Variants in GRIN2B observed in about 807,000 individuals in gnomAD.
The protein encoded by GRIN2B is glutamate ionotropic receptor NMDA type subunit 2B.
GRIN2B carries 5 observed loss-of-function variants against 114.5 expected under a neutral mutation model. The observed-to-expected ratio is 0.04, with a 90% CI of 0.02 to 0.09. The LOEUF (loss-of-function observed/expected upper bound fraction) is 0.09. GRIN2B is among the 10% of genes least tolerant of loss of function. The pLI is 1.00. For synonymous variants in GRIN2B, 787 were observed against 745.1 expected (o/e 1.06, Z -0.92); for missense variants, 1,108 against 1,943.5 (o/e 0.57, Z 8.08).
intron 4 of GRIN2B, among the ~76,000 whole-genome samples, chr12:13,689,553 A>C (rs746379985): frequency 1.3e-4 from 20 of 152,080 alleles, no homozygotes; most frequent in Non-Finnish European, 2.5e-4. Context: ...ATATCCACTC[A>C]TACCCAGATA....
At chr12:13,807,028 G>A (rs1030454609) in intron 3 of GRIN2B, among the ~76,000 whole-genome samples, 3 of 151,910 alleles carry the variant, frequency 2.0e-5, no homozygotes, top group African/African-American at 7.3e-5. Context: ...ACAGTGCCTT[G>A]TAAATTATAA....
At chr12:13,767,282 A>T (rs1863814559) in intron 3 of GRIN2B, among the ~76,000 whole-genome samples, 1 of 147,600 alleles carries the variant, frequency 6.8e-6, no homozygotes. Flanking sequence ...AAAAAAAAGT[A>T]TTCTAATGCC....
rs1863138547 is a variant in GRIN2B, at chr12:13,981,499, A to T, written c.-605T>A. 1.3e-5 allele frequency: 2 copies of T among 152,086 alleles called. No homozygotes were observed. Among genetic ancestry groups the T allele is most frequent in the Admixed American group, 6.6e-5 (1 of 15,266 alleles). The allele number at this position is 152,086 out of a possible 1,614,324, so 9.4% of individuals were successfully genotyped here. On this transcript the variant is annotated 5_prime_UTR_variant, in exon 1 of 14. Transcript: ENST00000609686. ...GCAAGGCAAAAGGATATGCATTCGG[A>T]CGCCAGCACTACTGGATGGTGGTGA...
intron 4 of GRIN2B, among the ~76,000 whole-genome samples, chr12:13,716,516 G>A (rs1950457262): frequency 6.6e-6 from 1 of 151,692 alleles, no homozygotes; most frequent in African/African-American, 2.4e-5. Flanking sequence ...CTACCTAAAT[G>A]GGCCATGCAT....
At chr12:13,809,608 G>C (rs866496793) in intron 3 of GRIN2B, among the ~76,000 whole-genome samples, 1 of 152,142 alleles carries the variant, frequency 6.6e-6, no homozygotes, top group South Asian at 2.1e-4. Context: ...ATTAGCCTGA[G>C]AGATGGTCAG....
chr12:13,664,806 A>G (rs1949958202), intron 5 of GRIN2B, among the ~76,000 whole-genome samples: 1 of 152,126 alleles, frequency 6.6e-6, no homozygotes, highest in Admixed American at 6.5e-5. Flanking sequence ...TAAAGCAGTT[A>G]AATTTTCATG....
chr12:13,857,104 G>A (rs966776853), intron 3 of GRIN2B, among the ~76,000 whole-genome samples: 1 of 152,218 alleles, frequency 6.6e-6, no homozygotes, highest in Non-Finnish European at 1.5e-5. Context: ...GGAGAAGTGA[G>A]AGATGAGGAA....
At chr12:13,695,155 A>C (rs1223735262) in intron 4 of GRIN2B, among the ~76,000 whole-genome samples, 1 of 152,186 alleles carries the variant, frequency 6.6e-6, no homozygotes, top group Non-Finnish European at 1.5e-5. Context: ...TCAAGAAAAT[A>C]AAGGAATTTG....
chr12:13,824,878 A>AG (rs1865003357), intron 3 of GRIN2B, among the ~76,000 whole-genome samples: 1 of 143,808 alleles, frequency 7.0e-6, no homozygotes, highest in Admixed American at 6.9e-5. Flanking sequence ...AAAAAAAAAA[A>AG]TCCAGCTTTA....
intron 4 of GRIN2B, among the ~76,000 whole-genome samples, chr12:13,710,798 T>C (rs959064588): frequency 9.2e-5 from 14 of 152,168 alleles, no homozygotes; most frequent in African/African-American, 3.1e-4. Context: ...ATGGCCATAT[T>C]GCCCAAGGTA....
At chr12:13,965,580 C>CACGT (rs60900037) in intron 2 of GRIN2B, among the ~76,000 whole-genome samples, 1 of 151,298 alleles carries the variant, frequency 6.6e-6, no homozygotes, top group African/African-American at 2.4e-5. Context: ...CACACACACA[C>CACGT]GTGTGTGTGA....
chr12:13,672,084 G>A (rs1465035876), intron 5 of GRIN2B, among the ~76,000 whole-genome samples: 1 of 152,056 alleles, frequency 6.6e-6, no homozygotes, highest in East Asian at 1.9e-4. Context: ...TTCAAAACAA[G>A]CTCAGGTTCC....
At chr12:13,878,311 G>A (rs1866021786) in intron 2 of GRIN2B, among the ~76,000 whole-genome samples, 1 of 152,182 alleles carries the variant, frequency 6.6e-6, no homozygotes, top group East Asian at 1.9e-4. Context: ...GAAGGTCACA[G>A]CTTCCGCTAA....
chr12:13,746,469 C>T (rs1008963986), intron 4 of GRIN2B, among the ~76,000 whole-genome samples: 2 of 152,132 alleles, frequency 1.3e-5, no homozygotes, highest in Non-Finnish European at 2.9e-5. Context: ...CATCCTATTC[C>T]TTCCCATAGA....
intron 4 of GRIN2B, among the ~76,000 whole-genome samples, chr12:13,735,720 T>C (rs1393565783): frequency 3.9e-5 from 6 of 152,184 alleles, no homozygotes; most frequent in Admixed American, 1.3e-4. Context: ...CTTATTTATT[T>C]CTGAAATCCC....
chr12:13,857,600 C>A (rs1427366078), intron 3 of GRIN2B, among the ~76,000 whole-genome samples: 2 of 152,154 alleles, frequency 1.3e-5, no homozygotes, highest in African/African-American at 2.4e-5. Flanking sequence ...TGGCGTGAGA[C>A]AAGGGAAATG....
intron 5 of GRIN2B, among the ~76,000 whole-genome samples, chr12:13,630,716 T>C (rs1565482938): frequency 6.6e-6 from 1 of 152,140 alleles, no homozygotes; most frequent in Non-Finnish European, 1.5e-5. Context: ...CAAAAACCAC[T>C]AATTCAAACT....
intron 4 of GRIN2B, among the ~76,000 whole-genome samples, chr12:13,683,080 G>T (rs549237226): frequency 6.6e-6 from 1 of 152,218 alleles, no homozygotes; most frequent in South Asian, 2.1e-4. Flanking sequence ...CACCAAGCAG[G>T]GTCAATGTGG....
chr12:13,916,237 A>G (rs1394381677), intron 2 of GRIN2B, among the ~76,000 whole-genome samples: 2 of 152,310 alleles, frequency 1.3e-5, no homozygotes, highest in Non-Finnish European at 2.9e-5. Flanking sequence ...TTTTGCATTA[A>G]TCTTGCCAAG....
Sources: gnomAD v4.1 joint callset for allele counts (sites outside exome capture counted in the v4.1 genomes callset) on GRCh38, gnomAD v4.1.1 for gene constraint, MANE v1.5 for transcripts, NCBI Gene and HGNC (gene_info 2026-07-23, HGNC 2026-07-21) for gene names.